NXPH1: variants seen among roughly 807,000 people sequenced by gnomAD.
The protein encoded by NXPH1 is neurexophilin 1.
NXPH1 carries 5 observed loss-of-function variants against 23.7 expected under a neutral mutation model. The observed-to-expected ratio is 0.21, with a 90% CI of 0.11 to 0.44. The LOEUF (loss-of-function observed/expected upper bound fraction) is 0.44. Among genes scored for constraint, NXPH1 ranks in the 20% least tolerant of loss-of-function variants. The pLI is 0.99. For synonymous variants in NXPH1, 144 were observed against 122.2 expected (o/e 1.18, Z -1.18); for missense variants, 324 against 321.6 (o/e 1.01, Z -0.06).
At chr7:8,547,617 C>A (rs1818217254) in intron 2 of NXPH1, among the ~76,000 whole-genome samples, 1 of 151,204 alleles carries the variant, frequency 6.6e-6, no homozygotes. Context: ...TATCTGTTGC[C>A]CCTAGGTAGT....
chr7:8,713,797 G>A lies in NXPH1; in HGVS notation c.55-37211G>A, dbSNP rs190803774. Among the ~76,000 whole-genome samples, 394 of 152,264 alleles carry A rather than the reference G, an allele frequency of 2.6e-3. 2 individuals carry two copies. The highest frequency in any genetic ancestry group is 4.7e-3 in the Non-Finnish European group (322 of 68,026). On this transcript the variant is annotated intron_variant, in intron 2 of 2. Transcript: ENST00000405863. ...AGGCAGAGATTCGTGTTCTCTTCCC[G>A]TAATTTCTCCCAAGCTAATGGAGTC...
chr7:8,557,085 G>A (rs1191653509), intron 2 of NXPH1, among the ~76,000 whole-genome samples: 1 of 151,646 alleles, frequency 6.6e-6, no homozygotes, highest in Admixed American at 6.6e-5. Flanking sequence ...ATGAGACATT[G>A]TAATGTAGCA....
chr7:8,744,624 C>A (rs1348220380), intron 2 of NXPH1, among the ~76,000 whole-genome samples: 1 of 152,210 alleles, frequency 6.6e-6, no homozygotes, highest in Non-Finnish European at 1.5e-5. Context: ...ACCTTCAGAT[C>A]CTTGTTCCCA....
chr7:8,475,134 T>C (rs1816947981), intron 2 of NXPH1, among the ~76,000 whole-genome samples: 1 of 152,114 alleles, frequency 6.6e-6, no homozygotes, highest in Non-Finnish European at 1.5e-5. Context: ...CCTTTTCACC[T>C]CTACATTCCT....
intron 2 of NXPH1, among the ~76,000 whole-genome samples, chr7:8,588,536 T>C (rs552661403): frequency 3.9e-5 from 6 of 152,132 alleles, no homozygotes; most frequent in Admixed American, 1.3e-4. Context: ...AACTACATGG[T>C]GGGGAATATG....
intron 2 of NXPH1, among the ~76,000 whole-genome samples, chr7:8,674,523 A>T (rs1820918820): frequency 6.6e-6 from 1 of 152,124 alleles, no homozygotes; most frequent in African/African-American, 2.4e-5. Flanking sequence ...TCGTATGGAG[A>T]GCTGCTGAAT....
chr7:8,683,171 G>C (rs1013813), intron 2 of NXPH1, among the ~76,000 whole-genome samples: 56,657 of 152,006 alleles, frequency 0.37, 10,999 homozygotes, highest in East Asian at 0.64. Context: ...GTCACATGGT[G>C]AGAGATTAAA....
intron 2 of NXPH1, among the ~76,000 whole-genome samples, chr7:8,618,316 C>A (rs943555029): frequency 1.3e-5 from 2 of 152,134 alleles, no homozygotes; most frequent in Non-Finnish European, 2.9e-5. Flanking sequence ...ATTCATCTGA[C>A]TGTATTCATA....
chr7:8,703,480 A>G (rs1779658445), intron 2 of NXPH1, among the ~76,000 whole-genome samples: 2 of 152,058 alleles, frequency 1.3e-5, no homozygotes, highest in East Asian at 1.9e-4. Flanking sequence ...CACAGAAAAT[A>G]TACTCTGGGA....
At chr7:8,739,793 T>G (rs577910665) in intron 2 of NXPH1, among the ~76,000 whole-genome samples, 3 of 152,244 alleles carry the variant, frequency 2.0e-5, no homozygotes, top group Middle Eastern at 3.2e-3. Flanking sequence ...AAACTTTTTC[T>G]ATTTTTTAAA....
chr7:8,731,812 C>T (rs1349003760), intron 2 of NXPH1, among the ~76,000 whole-genome samples: 1 of 152,202 alleles, frequency 6.6e-6, no homozygotes, highest in African/African-American at 2.4e-5. Flanking sequence ...GTGCCCTGCC[C>T]CAAGAAGTGG....
intron 2 of NXPH1, among the ~76,000 whole-genome samples, chr7:8,641,165 C>T (rs916911938): frequency 6.6e-6 from 1 of 151,628 alleles, no homozygotes; most frequent in African/African-American, 2.4e-5. Context: ...ACATTTATTC[C>T]TAAGTATTTT....
chr7:8,678,782 A>G (rs1388469248), intron 2 of NXPH1, among the ~76,000 whole-genome samples: 1 of 151,892 alleles, frequency 6.6e-6, no homozygotes, highest in East Asian at 1.9e-4. Flanking sequence ...GAAAAAAAAA[A>G]TAGTCCTCTT....
At chr7:8,652,862 C>A (rs1384131519) in intron 2 of NXPH1, among the ~76,000 whole-genome samples, 1 of 152,110 alleles carries the variant, frequency 6.6e-6, no homozygotes, top group Non-Finnish European at 1.5e-5. Context: ...AGATTTAATT[C>A]TCTTTTTTGT....
At chr7:8,521,605 AT>A (rs536901985) in intron 2 of NXPH1, among the ~76,000 whole-genome samples, 400 of 152,320 alleles carry the variant, frequency 2.6e-3, no homozygotes, top group Admixed American at 4.4e-3. Flanking sequence ...AGAGACCCTA[AT>A]AATCCCCACT....
At chr7:8,455,018 G>GT (rs1021132503) in intron 2 of NXPH1, among the ~76,000 whole-genome samples, 3 of 152,086 alleles carry the variant, frequency 2.0e-5, no homozygotes, top group East Asian at 1.9e-4. Flanking sequence ...TTATGATGCT[G>GT]TTTTTTTCAT....
chr7:8,614,683 T>C (rs748913551), intron 2 of NXPH1, among the ~76,000 whole-genome samples: 20 of 152,004 alleles, frequency 1.3e-4, no homozygotes, highest in Non-Finnish European at 2.6e-4. Flanking sequence ...TGAAACTCAC[T>C]GGAAAGATTT....
intron 2 of NXPH1, among the ~76,000 whole-genome samples, chr7:8,743,538 C>T (rs552004119): frequency 1.3e-5 from 2 of 152,094 alleles, no homozygotes; most frequent in South Asian, 2.1e-4. Flanking sequence ...TGTCTTTCAA[C>T]AATATTTTAA....
At chr7:8,616,200 C>T (rs1169423929) in intron 2 of NXPH1, among the ~76,000 whole-genome samples, 2 of 151,998 alleles carry the variant, frequency 1.3e-5, no homozygotes, top group Non-Finnish European at 2.9e-5. Flanking sequence ...CGTTCAACCA[C>T]ACTGGCCTCC....
Sources: allele counts gnomAD v4.1 joint callset (sites outside exome capture counted in the v4.1 genomes callset), GRCh38; gene constraint gnomAD v4.1.1; transcripts MANE v1.5; gene names NCBI Gene and HGNC (gene_info 2026-07-23, HGNC 2026-07-21).